Variants in MGMT observed in about 807,000 individuals in gnomAD.
The protein encoded by MGMT is O-6-methylguanine-DNA methyltransferase, also known as methylated-DNA--protein-cysteine methyltransferase.
Under a neutral mutation model 15.9 loss-of-function variants are expected in MGMT, and 14 were observed. That is an observed-to-expected ratio of 0.88 (90% CI 0.58 to 1.37). The LOEUF (loss-of-function observed/expected upper bound fraction) is 1.37. MGMT is among the 40% of genes most tolerant of loss of function. MGMT has a pLI of 0.00. For missense variants in MGMT, 282 were observed against 268.1 expected, an observed-to-expected ratio of 1.05 and a Z score of -0.36; for synonymous variants, 130 against 118.2, an observed-to-expected ratio of 1.10 and a Z score of -0.65.
At chr10:129,594,977 G>A (rs1846734032) in intron 2 of MGMT, among the ~76,000 whole-genome samples, 1 of 152,174 alleles carries the variant, frequency 6.6e-6, no homozygotes, top group Non-Finnish European at 1.5e-5. Context: ...TGGGGAGAGG[G>A]GAGCCGGAGC....
chr10:129,520,388 C>G (rs2119721439), intron 1 of MGMT, among the ~76,000 whole-genome samples: 1 of 151,182 alleles, frequency 6.6e-6, no homozygotes, highest in African/African-American at 2.4e-5. Context: ...TGTCCTAAAG[C>G]ATCTCCTTCC....
At chr10:129,686,883 A>C (rs185109024) in intron 2 of MGMT, among the ~76,000 whole-genome samples, 80 of 152,294 alleles carry the variant, frequency 5.3e-4, no homozygotes, top group African/African-American at 1.7e-3. Context: ...ATCTTCTGTC[A>C]GCTGATCTGG....
At chr10:129,483,408 A>G (rs534121490) in intron 1 of MGMT, among the ~76,000 whole-genome samples, 7 of 151,598 alleles carry the variant, frequency 4.6e-5, no homozygotes, top group African/African-American at 1.7e-4. Context: ...TTTTTTTTAC[A>G]CCTGAAAACC....
intron 1 of MGMT, among the ~76,000 whole-genome samples, chr10:129,530,966 C>T (rs951902927): frequency 9.8e-5 from 15 of 152,364 alleles, no homozygotes; most frequent in Non-Finnish European, 1.6e-4. Flanking sequence ...GAGTGGTTCC[C>T]TAACCGCCAC....
chr10:129,603,035 A>AT (rs1372446752), intron 2 of MGMT, among the ~76,000 whole-genome samples: 1 of 152,234 alleles, frequency 6.6e-6, no homozygotes, highest in Non-Finnish European at 1.5e-5. Context: ...CCCAAAATTT[A>AT]TTATAATGCC....
At position 129,769,556 on chromosome 10, in the gene MGMT, A is replaced by ACTCAGAC. The variant is rs1189804458; in HGVS notation, c.*2561_*2567dup. 1 of 150,956 alleles carries ACTCAGAC rather than the reference A, an allele frequency of 6.6e-6. No homozygotes were observed. The highest frequency in any genetic ancestry group is 1.5e-5 in the Non-Finnish European group (1 of 67,930). The allele number at this position is 150,956 out of a possible 1,614,324, so 9.4% of individuals were successfully genotyped here. On this transcript the variant is annotated 3_prime_UTR_variant, in exon 5 of 5. Transcript: ENST00000651593. The stretch of plus-strand genomic sequence containing the variant: ...CGTGCACGACAGCCACCTCGCAGCC[A>ACTCAGAC]CTCAGACCGGCGGACCACGCTCCCC...
intron 1 of MGMT, among the ~76,000 whole-genome samples, chr10:129,526,084 C>T (rs4750755): frequency 0.25 from 37,815 of 152,110 alleles, 5,645 homozygotes; most frequent in African/African-American, 0.43. Flanking sequence ...GCCGAATCCA[C>T]GGGGAGACCC....
chr10:129,573,358 A>T (rs1589873636), intron 2 of MGMT, among the ~76,000 whole-genome samples: 1 of 152,298 alleles, frequency 6.6e-6, no homozygotes, highest in East Asian at 1.9e-4. Context: ...TTCACCCAGG[A>T]TCTCCCAATG....
rs556934483 is a variant in MGMT at position 129,556,403 on chromosome 10, C to T, written c.125+20026C>T. 5.3e-5 allele frequency among the ~76,000 whole-genome samples: 8 copies of T among 152,110 alleles called. No homozygotes were observed. The highest frequency in any genetic ancestry group is 1.3e-4 in the Admixed American group (2 of 15,272). ...GCACAGACACACGGAGGGATGGCCA[C>T]GTGAGGACCCTGGGAGAAGGCTGCC... is the stretch of plus-strand genomic sequence containing the variant. On this transcript the variant is annotated intron_variant, in intron 2 of 4. Coordinates refer to ENST00000651593, the MANE Select transcript of MGMT (RefSeq NM_002412.5). This position sits in a 1 kb window ranked among gnomAD's most constrained non-coding sequence, Gnocchi z 4.3.
At chr10:129,664,793 G>C (rs924265674) in intron 2 of MGMT, among the ~76,000 whole-genome samples, 1 of 152,110 alleles carries the variant, frequency 6.6e-6, no homozygotes, top group Non-Finnish European at 1.5e-5. Context: ...CAAAACATTG[G>C]AACAGGCACT....
intron 4 of MGMT, among the ~76,000 whole-genome samples, chr10:129,765,392 G>GC (rs1848922179): frequency 6.6e-6 from 1 of 152,192 alleles, no homozygotes; most frequent in Non-Finnish European, 1.5e-5. Context: ...AGAGTCCCCT[G>GC]CGGTGGCCAT....
At chr10:129,576,680 G>T (rs935173486) in intron 2 of MGMT, among the ~76,000 whole-genome samples, 49 of 152,286 alleles carry the variant, frequency 3.2e-4, no homozygotes, top group African/African-American at 1.2e-3. Flanking sequence ...TGGAAGTTCT[G>T]GCCAGGGCAA....
chr10:129,573,464 T>C (rs1564856631), intron 2 of MGMT, among the ~76,000 whole-genome samples: 1 of 152,172 alleles, frequency 6.6e-6, no homozygotes, highest in Non-Finnish European at 1.5e-5. Context: ...TCCTATGGCT[T>C]CTAAATTTAT....
chr10:129,521,480 G>A (rs1287105501), intron 1 of MGMT, among the ~76,000 whole-genome samples: 1 of 152,184 alleles, frequency 6.6e-6, no homozygotes, highest in East Asian at 1.9e-4. Context: ...AAGAAAGGAA[G>A]TCACCCACTG....
intron 1 of MGMT, among the ~76,000 whole-genome samples, chr10:129,492,851 G>A (rs758386234): frequency 7.2e-5 from 11 of 152,142 alleles, no homozygotes; most frequent in Non-Finnish European, 1.5e-4. Context: ...CGTTTTGCTT[G>A]GAAATGAAAG....
Position 129,525,915 on chromosome 10 carries a change from C to T in MGMT, c.-12-10326C>T, listed in dbSNP as rs537526666. Among the ~76,000 whole-genome samples the T allele has an allele frequency of 1.2e-4, 18 of 152,318 alleles. 1 individual carries two copies. Among genetic ancestry groups the T allele is most frequent in the Admixed American group, 7.8e-4 (12 of 15,306 alleles). On this transcript the variant is annotated intron_variant, in intron 1 of 4. Coordinates refer to ENST00000651593, the MANE Select transcript of MGMT (RefSeq NM_002412.5). Reference sequence around the variant, plus strand: ...CCCCCACCAGGAGGCTTTGGGGTGGCGTTTGGGAACGCCGTTTGGATCCCT... The same window carrying T: ...CCCCCACCAGGAGGCTTTGGGGTGGTGTTTGGGAACGCCGTTTGGATCCCT...
intron 2 of MGMT, among the ~76,000 whole-genome samples, chr10:129,611,675 A>C (rs1846961954): frequency 6.6e-6 from 1 of 152,150 alleles, no homozygotes; most frequent in African/African-American, 2.4e-5. Context: ...CTCTGGAGAG[A>C]GAATGACCTG....
intron 1 of MGMT, among the ~76,000 whole-genome samples, chr10:129,478,278 A>C (rs994919772): frequency 2.6e-5 from 4 of 152,120 alleles, no homozygotes; most frequent in Non-Finnish European, 4.4e-5. Context: ...ACACTAATCC[A>C]GCCTGGTTCA....
chr10:129,733,462 C>T (rs1423616197), intron 3 of MGMT, among the ~76,000 whole-genome samples: 1 of 149,272 alleles, frequency 6.7e-6, no homozygotes, highest in Non-Finnish European at 1.5e-5. Context: ...GATATTAGCC[C>T]TTTGTCAGAT....
Sources: allele counts gnomAD v4.1 joint callset (sites outside exome capture counted in the v4.1 genomes callset), GRCh38; gene constraint gnomAD v4.1.1; non-coding constraint Gnocchi (gnomAD v3.1); transcripts MANE v1.5; gene names NCBI Gene and HGNC (gene_info 2026-07-23, HGNC 2026-07-21).